Variants in ZDHHC2 observed in about 807,000 individuals in gnomAD.
The protein encoded by ZDHHC2 is zDHHC palmitoyltransferase 2.
In ZDHHC2, 51 loss-of-function variants were observed where a neutral mutation model predicts 55.6. That is an observed-to-expected ratio of 0.92 (90% CI 0.73 to 1.16). ZDHHC2 has a LOEUF of 1.16. Among genes scored for constraint, ZDHHC2 ranks in the 50% most tolerant of loss-of-function variants. ZDHHC2 has a pLI of 0.00. For missense variants in ZDHHC2, 491 were observed against 442.4 expected (o/e 1.11, Z -0.99); for synonymous variants, 199 against 152.9 (o/e 1.30, Z -2.22).
chr8:17,216,398 C>T (rs1807651169), intron 11 of ZDHHC2, among the ~76,000 whole-genome samples: 1 of 152,082 alleles, frequency 6.6e-6, no homozygotes, highest in South Asian at 2.1e-4. Flanking sequence ...TATTTGCCTC[C>T]CAGAGGGTCC....
rs1188913353 is a variant in ZDHHC2 at position 17,186,384 on chromosome 8, T to A, written c.211T>A (p.Trp71Arg). 2 of 1,587,906 alleles carry A rather than the reference T, an allele frequency of 1.3e-6. No individual in the cohort carries two copies. The highest frequency in any genetic ancestry group is 2.3e-5 in the East Asian group (1 of 43,580). The change falls in exon 3 of 13, where the codon TGG (tryptophan) becomes AGG (arginine). Residue 71 changes from tryptophan to arginine, a missense_variant. By Grantham distance (101) the Trp-to-Arg change is moderately radical. Coordinates refer to ENST00000262096, the MANE Select transcript of ZDHHC2 (RefSeq NM_016353.5). ...TTTTGCAATGTTTGTCTGGTCATAC[T>A]GGAAAACTATCTTTACATTACCAAT... Reference protein sequence around the residue: ...LLFAMFVWSYWKTIFTLPMNP... With the variant: ...LLFAMFVWSYRKTIFTLPMNP...
chr8:17,176,664 G>C (rs1805148442), intron 1 of ZDHHC2, among the ~76,000 whole-genome samples: 1 of 152,152 alleles, frequency 6.6e-6, no homozygotes, highest in Admixed American at 6.5e-5. Context: ...AGAGGATCAA[G>C]GGAGGGTACA....
chr8:17,203,021 C>G (rs924220322), intron 6 of ZDHHC2, among the ~76,000 whole-genome samples: 1 of 151,092 alleles, frequency 6.6e-6, no homozygotes, highest in Non-Finnish European at 1.5e-5. Flanking sequence ...CCAATTTCTT[C>G]CTAGTCCACA....
At chr8:17,179,453 G>T (rs1274067161) in intron 1 of ZDHHC2, among the ~76,000 whole-genome samples, 1 of 151,962 alleles carries the variant, frequency 6.6e-6, no homozygotes, top group East Asian at 1.9e-4. Context: ...CTATCGCACA[G>T]GCTGGAGTAC....
At chr8:17,212,877 A>T (rs1807453869) in intron 10 of ZDHHC2, among the ~76,000 whole-genome samples, 1 of 151,844 alleles carries the variant, frequency 6.6e-6, no homozygotes, top group Non-Finnish European at 1.5e-5. Flanking sequence ...CTGTTATAAT[A>T]AAATGTCTCC....
chr8:17,214,051 C>G (rs1285929154), intron 10 of ZDHHC2, among the ~76,000 whole-genome samples: 1 of 152,048 alleles, frequency 6.6e-6, no homozygotes, highest in Non-Finnish European at 1.5e-5. Flanking sequence ...TATAATTGAA[C>G]TCAAATATGT....
intron 1 of ZDHHC2, among the ~76,000 whole-genome samples, chr8:17,182,384 A>G (rs1175344499): frequency 6.6e-6 from 1 of 152,202 alleles, no homozygotes; most frequent in Non-Finnish European, 1.5e-5. Flanking sequence ...AATAAGGGAA[A>G]TGAATGCTAA....
At chr8:17,156,982 G>T (rs1207159460) in intron 1 of ZDHHC2, 129 bp downstream of exon 1, 2 of 837,998 alleles carry the variant, frequency 2.4e-6, no homozygotes, top group African/African-American at 3.7e-5. Flanking sequence ...GCCGCGTCCC[G>T]CCGGCTCCGC....
intron 1 of ZDHHC2, 21 bp downstream of exon 1, chr8:17,156,874 G>C (rs1021632209): frequency 1.3e-6 from 2 of 1,483,942 alleles, no homozygotes; most frequent in Non-Finnish European, 1.8e-6. Flanking sequence ...CCCCCGCCGC[G>C]GCGCCCCCAG....
At chr8:17,206,461 T>C (rs1033427416) in intron 7 of ZDHHC2, among the ~76,000 whole-genome samples, 1 of 152,212 alleles carries the variant, frequency 6.6e-6, no homozygotes, top group Non-Finnish European at 1.5e-5. Flanking sequence ...TTTTTCAGTG[T>C]TCACAAGTTC....
chr8:17,196,506 G>A (rs1169826208), intron 4 of ZDHHC2, among the ~76,000 whole-genome samples: 1 of 151,782 alleles, frequency 6.6e-6, no homozygotes, highest in East Asian at 1.9e-4. Flanking sequence ...GTGAGCTGTG[G>A]TTGCACCACT....
chr8:17,165,710 A>G (rs1804568022), intron 1 of ZDHHC2, among the ~76,000 whole-genome samples: 1 of 152,220 alleles, frequency 6.6e-6, no homozygotes. Flanking sequence ...AGTTTGTTAG[A>G]GGATCATCAG....
chr8:17,162,133 G>A (rs149783510), intron 1 of ZDHHC2, among the ~76,000 whole-genome samples: 28 of 152,082 alleles, frequency 1.8e-4, no homozygotes, highest in Middle Eastern at 3.2e-3. Context: ...ATGCTTTTTT[G>A]GTTCCATTTA....
At chr8:17,196,719 A>G (rs1259647360) in intron 4 of ZDHHC2, among the ~76,000 whole-genome samples, 2 of 152,064 alleles carry the variant, frequency 1.3e-5, no homozygotes, top group Non-Finnish European at 2.9e-5. Context: ...TGTGGCCAAC[A>G]TGGTGAAACC....
At chr8:17,171,927 T>C (rs7833964) in intron 1 of ZDHHC2, among the ~76,000 whole-genome samples, 33,036 of 151,540 alleles carry the variant, frequency 0.22, 4,166 homozygotes, top group African/African-American at 0.32. Flanking sequence ...ACAGACTCCA[T>C]CTTGGTTCTT....
intron 1 of ZDHHC2, among the ~76,000 whole-genome samples, chr8:17,167,304 CTTT>C (rs371848954): frequency 4.9e-4 from 53 of 108,736 alleles, no homozygotes; most frequent in Admixed American, 9.3e-4. Flanking sequence ...TTTTTTTTAA[CTTT>C]TTTTTTTTTT....
At chr8:17,196,608 T>G (rs1806325055) in intron 4 of ZDHHC2, among the ~76,000 whole-genome samples, 1 of 151,512 alleles carries the variant, frequency 6.6e-6, no homozygotes, top group African/African-American at 2.4e-5. Context: ...GAAAAACTCA[T>G]TAAGATTTGC....
chr8:17,172,874 G>A (rs1804931392), intron 1 of ZDHHC2, among the ~76,000 whole-genome samples: 1 of 152,126 alleles, frequency 6.6e-6, no homozygotes. Flanking sequence ...GGAACCCAGA[G>A]CCCGGTTCCT....
At chr8:17,180,531 C>T (rs542259818) in intron 1 of ZDHHC2, among the ~76,000 whole-genome samples, 8 of 152,238 alleles carry the variant, frequency 5.3e-5, no homozygotes, top group South Asian at 4.1e-4. Flanking sequence ...CTTTCCTATA[C>T]GTTATACATT....
Sources: allele counts gnomAD v4.1 joint callset (sites outside exome capture counted in the v4.1 genomes callset), GRCh38; gene constraint gnomAD v4.1.1; transcripts MANE v1.5; gene names NCBI Gene and HGNC (gene_info 2026-07-23, HGNC 2026-07-21).